The following CHST15 variants were observed in gnomAD, a reference collection of about 807,000 sequenced individuals.
CHST15 encodes the protein carbohydrate sulfotransferase 15.
CHST15 carries 30 observed loss-of-function variants against 53.6 expected under a neutral mutation model. The observed-to-expected ratio is 0.56, with a 90% CI of 0.42 to 0.76. CHST15 has a LOEUF of 0.76. Among genes scored for constraint, CHST15 ranks in the 30% least tolerant of loss-of-function variants. CHST15 has a pLI of 0.00. For missense variants in CHST15, 627 were observed against 740.5 expected (o/e 0.85, Z 1.78); for synonymous variants, 296 against 289.8 (o/e 1.02, Z -0.22).
In CHST15 at chr10:124,038,512, C is replaced by A; in HGVS notation, c.1190+3G>T. 1 of 1,613,562 alleles carries A rather than the reference C, an allele frequency of 6.2e-7. No individual in the cohort carries two copies. The highest frequency in any genetic ancestry group is 1.1e-5 in the South Asian group (1 of 91,078). ...CCAAATACAACACACAGAAACTGCT[C>A]ACCTCTCCACAGGGTCCCTGAGCAT... On this transcript the variant is annotated splice_donor_region_variant and intron_variant, in intron 5 of 7. Coordinates refer to ENST00000435907, the MANE Select transcript of CHST15 (RefSeq NM_001270764.2).
intron 1 of CHST15, among the ~76,000 whole-genome samples, chr10:124,082,394 G>C (rs143829219): frequency 6.6e-6 from 1 of 152,134 alleles, no homozygotes; most frequent in Non-Finnish European, 1.5e-5. Context: ...AACCACGTTC[G>C]CCCGAAGGCC....
In CHST15 at chr10:124,021,515, T is replaced by C; in HGVS notation, c.1191-103A>G. On this transcript the variant is annotated intron_variant, in intron 5 of 7. Transcript: ENST00000435907. ...GTACAATTACATTATCTAGTTTTCC[T>C]GATTGAAGCACAACCACCCTTCTTC... 6 of 1,507,280 alleles carry C rather than the reference T, an allele frequency of 4.0e-6. No homozygotes were observed. In the South Asian group the frequency reaches 5.3e-5, roughly 13 times the overall value. The allele number at this position is 1,507,280 out of a possible 1,614,324, so 93.4% of individuals were successfully genotyped here.
chr10:124,023,865 C>T (rs535091069), intron 5 of CHST15, among the ~76,000 whole-genome samples: 41 of 148,870 alleles, frequency 2.8e-4, no homozygotes, highest in African/African-American at 6.9e-4. Context: ...TTTTTTGAAG[C>T]GGAGTTTCGC....
Position 124,045,126 on chromosome 10 carries a change from A to AAAAAC in CHST15, c.547-208_547-207insGTTTT, listed in dbSNP as rs71026076. ...CCGCCGCCCCACAAAAAAAAAAAAA[A>AAAAAC]AAAAAAAAAAAAAAAAAACTTGGAG... On this transcript the variant is annotated intron_variant, in intron 2 of 7. Coordinates refer to ENST00000435907, the MANE Select transcript of CHST15 (RefSeq NM_001270764.2). Among the ~76,000 whole-genome samples the AAAAAC allele has an allele frequency of 1.0e-3, 130 of 128,702 alleles. 2 individuals carry two copies. The highest frequency in any genetic ancestry group is 3.9e-3 in the Middle Eastern group (1 of 256). The allele number at this position is 128,702 out of a possible 152,430, so 84.4% of individuals were successfully genotyped here.
chr10:124,067,480 C>A (rs1948783670), intron 1 of CHST15, among the ~76,000 whole-genome samples: 2 of 152,210 alleles, frequency 1.3e-5, no homozygotes, highest in Non-Finnish European at 2.9e-5. Flanking sequence ...GGCCATCTGC[C>A]CCAAACCAAG....
intron 4 of CHST15, among the ~76,000 whole-genome samples, chr10:124,039,452 A>G (rs1039012669): frequency 2.0e-5 from 3 of 152,200 alleles, no homozygotes; most frequent in Non-Finnish European, 2.9e-5. Context: ...TGAAGCTGTA[A>G]CTGTTCATCA....
At chr10:124,013,458 G>A (rs571378500) in intron 6 of CHST15, among the ~76,000 whole-genome samples, 9 of 152,302 alleles carry the variant, frequency 5.9e-5, no homozygotes, top group South Asian at 2.1e-4. Context: ...TCAGAGCTCC[G>A]CATTTGGGCC....
At chr10:124,027,912 C>T (rs572202787) in intron 5 of CHST15, among the ~76,000 whole-genome samples, 350 of 152,318 alleles carry the variant, frequency 2.3e-3, no homozygotes, top group Middle Eastern at 0.01. Context: ...GACGAATCCA[C>T]GGCTGACTAG....
chr10:124,051,066 C>T (rs1308315335), intron 1 of CHST15, among the ~76,000 whole-genome samples: 1 of 152,118 alleles, frequency 6.6e-6, no homozygotes, highest in Non-Finnish European at 1.5e-5. Context: ...GTCTCAGCCT[C>T]CCGAGTACTG....
At chr10:124,030,383 A>T (rs1327263123) in intron 5 of CHST15, among the ~76,000 whole-genome samples, 1 of 152,220 alleles carries the variant, frequency 6.6e-6, no homozygotes, top group Admixed American at 6.5e-5. Context: ...CCAGGAATCA[A>T]TAGGCAGCTT....
intron 1 of CHST15, among the ~76,000 whole-genome samples, chr10:124,072,226 A>G (rs1948938675): frequency 6.6e-6 from 1 of 152,066 alleles, no homozygotes; most frequent in South Asian, 2.1e-4. Context: ...CACTGTTGTG[A>G]GTTACAAATT....
intron 1 of CHST15, among the ~76,000 whole-genome samples, chr10:124,053,776 G>A (rs966895959): frequency 5.3e-5 from 8 of 152,012 alleles, no homozygotes; most frequent in African/African-American, 7.3e-5. Flanking sequence ...AAATTAGCTG[G>A]GTGTGGTGGT....
chr10:124,065,811 T>C (rs145660189), intron 1 of CHST15, among the ~76,000 whole-genome samples: 7 of 152,306 alleles, frequency 4.6e-5, no homozygotes, highest in Non-Finnish European at 8.8e-5. Flanking sequence ...TTTTGACCCA[T>C]TCTCAGTTTC....
At chr10:124,077,656 T>G (rs1456641045) in intron 1 of CHST15, among the ~76,000 whole-genome samples, 5 of 152,244 alleles carry the variant, frequency 3.3e-5, no homozygotes, top group Non-Finnish European at 7.3e-5. Context: ...AAACACCATT[T>G]ACAAACAAGC....
At chr10:124,079,117 C>T (rs1475539392) in intron 1 of CHST15, among the ~76,000 whole-genome samples, 1 of 150,496 alleles carries the variant, frequency 6.6e-6, no homozygotes, top group Non-Finnish European at 1.5e-5. Context: ...CTAAACCAAA[C>T]TACTCAGAAA....
chr10:124,050,074 ACT>A (rs1491398094), intron 1 of CHST15, among the ~76,000 whole-genome samples: 1 of 151,972 alleles, frequency 6.6e-6, no homozygotes, highest in Non-Finnish European at 1.5e-5. Flanking sequence ...AAAACATAAA[ACT>A]GTCTTACATT....
intron 3 of CHST15, among the ~76,000 whole-genome samples, chr10:124,044,170 G>A (rs1227976620): frequency 1.0e-4 from 15 of 148,974 alleles, no homozygotes; most frequent in African/African-American, 2.8e-4. Context: ...CAGAGCTTGG[G>A]AGCGGCACAG....
chr10:124,008,551 T>G lies in CHST15; in HGVS notation c.*1598A>C, dbSNP rs926175053. 2.7e-5 allele frequency: 27 copies of G among 991,940 alleles called. No homozygotes were observed. In the African/African-American group the frequency reaches 4.5e-4, roughly 17 times the overall value. 61.4% of individuals were successfully genotyped at this position (991,940 alleles called of 1,614,324 possible). On this transcript the variant is annotated 3_prime_UTR_variant, in exon 8 of 8. Transcript: ENST00000435907. ...GTAGCAAAAACAGCCCTGGCCATCC[T>G]GGCGCTCAGAGCCCTCTGCACACCT...
chr10:124,071,244 C>A (rs922332850), intron 1 of CHST15, among the ~76,000 whole-genome samples: 1 of 152,218 alleles, frequency 6.6e-6, no homozygotes, highest in Non-Finnish European at 1.5e-5. Context: ...CTGGAGGGAA[C>A]GGGCAGTTTC....
Sources: allele counts gnomAD v4.1 joint callset (sites outside exome capture counted in the v4.1 genomes callset), GRCh38; gene constraint gnomAD v4.1.1; transcripts MANE v1.5; gene names NCBI Gene and HGNC (gene_info 2026-07-23, HGNC 2026-07-21).